The following SEPTIN9 variants were observed in gnomAD, a reference collection of about 807,000 sequenced individuals.
SEPTIN9 encodes septin 9.
In SEPTIN9, 13 loss-of-function variants were observed where a neutral mutation model predicts 56.6. That is an observed-to-expected ratio of 0.23 (90% CI 0.15 to 0.37). The LOEUF (loss-of-function observed/expected upper bound fraction) is 0.37. Among genes scored for constraint, SEPTIN9 ranks in the 10% least tolerant of loss-of-function variants. The pLI is 1.00. For missense variants in SEPTIN9, 650 were observed against 823.1 expected, an observed-to-expected ratio of 0.79 and a Z score of 2.57; for synonymous variants, 332 against 334.1, an observed-to-expected ratio of 0.99 and a Z score of 0.07.
At position 77,367,023 on chromosome 17, in the gene SEPTIN9, G is replaced by T. The variant is rs1412934069; in HGVS notation, c.77-35036G>T. On this transcript the variant is annotated intron_variant, in intron 2 of 11. Coordinates refer to ENST00000427177, the MANE Select transcript of SEPTIN9 (RefSeq NM_001113491.2). This position sits in a 1 kb window ranked among gnomAD's most constrained non-coding sequence, Gnocchi z 4.5. ...TGGGGGGATCACTGGGAAGTCTGGGGAACAGATTGGTCATGTGCTTCTTTG... is the reference window on the plus strand; with the variant it reads ...TGGGGGGATCACTGGGAAGTCTGGGTAACAGATTGGTCATGTGCTTCTTTG... Among the ~76,000 whole-genome samples, 6 of 152,244 alleles carry T rather than the reference G, an allele frequency of 3.9e-5. No individual in the cohort carries two copies. The highest frequency in any genetic ancestry group is 8.8e-5 in the Non-Finnish European group (6 of 68,046).
rs1377141879 is a variant in SEPTIN9, at chr17:77,436,026, C to T, written c.721+33323C>T. On this transcript the variant is annotated intron_variant, in intron 3 of 11. Transcript: ENST00000427177. This position sits in a 1 kb window ranked among gnomAD's most constrained non-coding sequence, Gnocchi z 4.4. Reference sequence around the variant, plus strand: ...GCGCGTGTTCTCTTGGCCTCAGCCTCGTGTGTGTGTTTATGCATGGGTACT... The same window carrying T: ...GCGCGTGTTCTCTTGGCCTCAGCCTTGTGTGTGTGTTTATGCATGGGTACT... 1.3e-5 allele frequency among the ~76,000 whole-genome samples: 2 copies of T among 152,166 alleles called. No individual in the cohort carries two copies. The highest frequency in any genetic ancestry group is 2.9e-5 in the Non-Finnish European group (2 of 68,028).
Position 77,389,456 on chromosome 17 carries a change from C to T in SEPTIN9, c.77-12603C>T, listed in dbSNP as rs1285491077. Among the ~76,000 whole-genome samples the T allele has an allele frequency of 6.6e-6, 1 of 152,100 alleles. No individual in the cohort carries two copies. Among genetic ancestry groups the T allele is most frequent in the East Asian group, 1.9e-4 (1 of 5,180 alleles). On this transcript the variant is annotated intron_variant, in intron 2 of 11. Transcript: ENST00000427177. The surrounding 1 kb of genome is among the most constrained non-coding windows in gnomAD (Gnocchi z 4.3). The stretch of plus-strand genomic sequence containing the variant: ...GGTGGATTAAAGCTGAGGAAAGCCT[C>T]ATTTTGGGGGACTCCGTACTTAACC...
At chr17:77,455,067 CT>C (rs1208018859) in intron 3 of SEPTIN9, among the ~76,000 whole-genome samples, 4 of 151,568 alleles carry the variant, frequency 2.6e-5, no homozygotes, top group Non-Finnish European at 5.9e-5. Flanking sequence ...TTTTCCCTCC[CT>C]TTTCCCTATA....
intron 2 of SEPTIN9, chr17:77,373,471 C>A: frequency 6.6e-7 from 1 of 1,522,390 alleles, no homozygotes; most frequent in Non-Finnish European, 8.8e-7. Context: ...CGCTGCCCTC[C>A]GCGCGACCCG....
Position 77,487,563 on chromosome 17 carries a change from G to A in SEPTIN9, c.1042+11G>A, listed in dbSNP as rs753455418. The stretch of plus-strand genomic sequence containing the variant: ...AGTCCATCACGCACGGTCAGTGGCC[G>A]GGAGTGGGCTGGGGGTGCAGGACGC... On this transcript the variant is annotated intron_variant, in intron 5 of 11. Coordinates refer to ENST00000427177, the MANE Select transcript of SEPTIN9 (RefSeq NM_001113491.2). This position sits in a 1 kb window ranked among gnomAD's most constrained non-coding sequence, Gnocchi z 4.3. 66 of 1,612,344 alleles carry A rather than the reference G, an allele frequency of 4.1e-5. No individual in the cohort carries two copies. Among genetic ancestry groups the A allele is most frequent in the Non-Finnish European group, 5.2e-5 (61 of 1,179,654 alleles).
intron 2 of SEPTIN9, among the ~76,000 whole-genome samples, chr17:77,360,018 A>G (rs762323167): frequency 8.6e-5 from 13 of 151,950 alleles, no homozygotes; most frequent in Admixed American, 7.9e-4. Flanking sequence ...TTAGCTGGGC[A>G]TGGTGGTGGG....
chr17:77,386,295 G>A (rs765382156), intron 2 of SEPTIN9, among the ~76,000 whole-genome samples: 1 of 152,212 alleles, frequency 6.6e-6, no homozygotes, highest in East Asian at 1.9e-4. Context: ...AATGGGCCCA[G>A]GCAGTTTCTG....
chr17:77,405,758 CCT>C lies in SEPTIN9; in HGVS notation c.721+3060_721+3061del, dbSNP rs2036046620. Among the ~76,000 whole-genome samples, 2 of 152,138 alleles carry C rather than the reference CCT, an allele frequency of 1.3e-5. No homozygotes were observed. Among genetic ancestry groups the C allele is most frequent in the Admixed American group, 6.5e-5 (1 of 15,284 alleles). ...ACCACCTGCTTGCTTCTCCGTCCTCCCTCTCTGTGTCACGACCGTTCTGGACA... is the reference window on the plus strand; with the variant it reads ...ACCACCTGCTTGCTTCTCCGTCCTCCCTCTGTGTCACGACCGTTCTGGACA... On this transcript the variant is annotated intron_variant, in intron 3 of 11. Coordinates refer to ENST00000427177, the MANE Select transcript of SEPTIN9 (RefSeq NM_001113491.2). This position sits in a 1 kb window ranked among gnomAD's most constrained non-coding sequence, Gnocchi z 5.8.
At chr17:77,358,979 C>T (rs574471423) in intron 2 of SEPTIN9, among the ~76,000 whole-genome samples, 29 of 152,294 alleles carry the variant, frequency 1.9e-4, no homozygotes, top group East Asian at 1.9e-4. Context: ...GGTGCATCCT[C>T]GACACACAGC....
intron 2 of SEPTIN9, chr17:77,376,171 A>G (rs1352724934): frequency 2.0e-6 from 2 of 987,034 alleles, no homozygotes; most frequent in East Asian, 1.1e-4. Context: ...AGCCAGCAGC[A>G]GTGGGGGAGG....
intron 3 of SEPTIN9, among the ~76,000 whole-genome samples, chr17:77,406,743 T>C (rs2036094434): frequency 6.6e-6 from 1 of 152,132 alleles, no homozygotes; most frequent in South Asian, 2.1e-4. Context: ...TGATCTCAGC[T>C]TACTGCAACC....
intron 3 of SEPTIN9, among the ~76,000 whole-genome samples, chr17:77,448,730 A>G (rs1379745712): frequency 2.6e-5 from 4 of 152,160 alleles, no homozygotes; most frequent in African/African-American, 9.6e-5. Context: ...AGTGAATGAT[A>G]TTAAAATTAA....
intron 2 of SEPTIN9, among the ~76,000 whole-genome samples, chr17:77,372,175 ACT>A (rs1264420657): frequency 6.6e-6 from 1 of 151,990 alleles, no homozygotes; most frequent in African/African-American, 2.4e-5. Flanking sequence ...ATGGCCCCTG[ACT>A]CTGGGCAGAG....
chr17:77,375,033 T>C (rs561628202), intron 2 of SEPTIN9: 1 of 151,098 alleles, frequency 6.6e-6, no homozygotes, highest in South Asian at 2.1e-4. Context: ...GAGGGCTTGC[T>C]GTTCCCGCCC....
intron 2 of SEPTIN9, chr17:77,373,186 AG>A (rs1387760254): frequency 5.6e-6 from 6 of 1,073,650 alleles, no homozygotes; most frequent in Non-Finnish European, 6.8e-6. Context: ...CTCGGGCCCC[AG>A]CCCCCCAGGC....
intron 2 of SEPTIN9, among the ~76,000 whole-genome samples, chr17:77,365,363 C>T (rs564853882): frequency 3.6e-4 from 55 of 152,230 alleles, no homozygotes; most frequent in African/African-American, 1.3e-3. Context: ...CCGTTCCCTT[C>T]CTTTTTCTTT....
intron 3 of SEPTIN9, among the ~76,000 whole-genome samples, chr17:77,467,829 G>A (rs1317947596): frequency 2.0e-5 from 3 of 152,234 alleles, no homozygotes; most frequent in East Asian, 1.9e-4. Flanking sequence ...GGGGCCGGAC[G>A]AAAGGACAGC....
At chr17:77,442,266 C>G (rs888826109) in intron 3 of SEPTIN9, 1 of 152,080 alleles carries the variant, frequency 6.6e-6, no homozygotes, top group African/African-American at 2.4e-5. Context: ...GGCACGATCT[C>G]GGCTCACTCT....
At chr17:77,296,484 C>A (rs1028223915) in intron 1 of SEPTIN9, among the ~76,000 whole-genome samples, 1 of 151,990 alleles carries the variant, frequency 6.6e-6, no homozygotes, top group African/African-American at 2.4e-5. Flanking sequence ...GGCAAACAGA[C>A]AGGCAGACAA....
Sources: gnomAD v4.1 joint callset for allele counts (sites outside exome capture counted in the v4.1 genomes callset) on GRCh38, gnomAD v4.1.1 for gene constraint, Gnocchi (gnomAD v3.1) non-coding constraint, MANE v1.5 for transcripts, NCBI Gene and HGNC (gene_info 2026-07-23, HGNC 2026-07-21) for gene names.